The following WLS variants were observed in gnomAD, a reference collection of about 807,000 sequenced individuals.
WLS encodes Wnt ligand secretion mediator.
In WLS, 23 loss-of-function variants were observed where a neutral mutation model predicts 62.8. The ratio of observed to expected loss-of-function variants is 0.37; its 90% CI spans 0.26 to 0.52. The LOEUF (loss-of-function observed/expected upper bound fraction) is 0.52, where lower values mean the gene tolerates loss of function less well. WLS is among the 20% of genes least tolerant of loss of function. WLS has a pLI of 0.92. For missense variants in WLS, 615 were observed against 697.3 expected, an observed-to-expected ratio of 0.88 and a Z score of 1.33; for synonymous variants, 246 against 244.1, an observed-to-expected ratio of 1.01 and a Z score of -0.07.
At chr1:68,218,618 A>G (rs1649827111) in intron 1 of WLS, among the ~76,000 whole-genome samples, 1 of 152,124 alleles carries the variant, frequency 6.6e-6, no homozygotes, top group Admixed American at 6.5e-5. Flanking sequence ...CTTCCCTTTC[A>G]GTTTACATAT....
At chr1:68,213,213 G>A (rs1480782243) in intron 1 of WLS, among the ~76,000 whole-genome samples, 1 of 152,104 alleles carries the variant, frequency 6.6e-6, no homozygotes, top group Non-Finnish European at 1.5e-5. Flanking sequence ...CACTTTGGGA[G>A]GCCGAGGCAG....
At chr1:68,218,821 A>C (rs1649836098) in intron 1 of WLS, among the ~76,000 whole-genome samples, 2 of 152,256 alleles carry the variant, frequency 1.3e-5, no homozygotes, top group Admixed American at 1.3e-4. Context: ...AGTGGAATGC[A>C]GAGGTAGTTA....
chr1:68,153,343 A>G (rs560765484), intron 5 of WLS, among the ~76,000 whole-genome samples, 174 bp downstream of exon 5: 1 of 152,332 alleles, frequency 6.6e-6, no homozygotes, highest in Non-Finnish European at 1.5e-5. Context: ...GATTTACTTA[A>G]TAACAACTTG....
rs965140604 is a variant in WLS at position 68,231,864 on chromosome 1, G to A, written c.106+330C>T. 15 of 310,782 alleles carry A rather than the reference G, an allele frequency of 4.8e-5. 1 individual carries two copies. The highest frequency in any genetic ancestry group is 1.2e-4 in the South Asian group (5 of 40,234). The allele number at this position is 310,782 out of a possible 1,614,324, so 19.3% of individuals were successfully genotyped here. On this transcript the variant is annotated intron_variant, in intron 1 of 11. Coordinates refer to ENST00000262348, the MANE Select transcript of WLS (RefSeq NM_024911.7). ...GGGGAACGCGGGAAAAAGCGGGGGG[G>A]GGGGGGGGCGAGCAATCAACTTTGT...
At chr1:68,206,363 A>T (rs537055359) in intron 1 of WLS, among the ~76,000 whole-genome samples, 75 of 152,266 alleles carry the variant, frequency 4.9e-4, no homozygotes, top group African/African-American at 1.8e-3. Flanking sequence ...TCAGGAAGGA[A>T]ATCTGAGATC....
intron 5 of WLS, 135 bp downstream of exon 5, chr1:68,153,382 T>C (rs1646853036): frequency 8.6e-7 from 1 of 1,166,706 alleles, no homozygotes; most frequent in Admixed American, 2.5e-5. Flanking sequence ...GAAAAAGGAG[T>C]CCAGGATGAC....
intron 11 of WLS, chr1:68,098,908 C>T: frequency 5.3e-6 from 6 of 1,127,774 alleles, no homozygotes; most frequent in Non-Finnish European, 6.0e-6. Flanking sequence ...CTGTGTCCTT[C>T]ATTGTGGGAC....
At chr1:68,172,433 G>T (rs1291431288) in intron 2 of WLS, among the ~76,000 whole-genome samples, 2 of 151,754 alleles carry the variant, frequency 1.3e-5, no homozygotes, top group Admixed American at 1.3e-4. Flanking sequence ...GTTTATATAT[G>T]TCTATAAAGA....
chr1:68,105,315 T>A (rs1646128775), intron 11 of WLS, among the ~76,000 whole-genome samples: 1 of 152,212 alleles, frequency 6.6e-6, no homozygotes. Context: ...CCCTTTTGCA[T>A]TGTTTAGTAC....
intron 1 of WLS, among the ~76,000 whole-genome samples, chr1:68,213,639 T>G (rs1452722188): frequency 6.6e-6 from 1 of 152,056 alleles, no homozygotes; most frequent in Non-Finnish European, 1.5e-5. Flanking sequence ...CAAGTTGTAT[T>G]TCAGATGGCT....
At chr1:68,172,411 A>G (rs968808260) in intron 2 of WLS, among the ~76,000 whole-genome samples, 1 of 152,196 alleles carries the variant, frequency 6.6e-6, no homozygotes, top group African/African-American at 2.4e-5. Context: ...GTATATAAAC[A>G]TAAAAATGTA....
In WLS at chr1:68,103,752, C is replaced by T. The variant is rs113837353; in HGVS notation, c.1511-4999G>A. ...TTTGGAGGCGTGCCCAGCATCATCC[C>T]CGCCAAGCCTTTCCTTAATCCACAG... On this transcript the variant is annotated intron_variant, in intron 11 of 11. Coordinates refer to the WLS transcript ENST00000354777. 4.4e-3 allele frequency among the ~76,000 whole-genome samples: 675 copies of T among 152,270 alleles called. 6 individuals carry two copies. Among genetic ancestry groups the T allele is most frequent in the African/African-American group, 0.015 (628 of 41,566 alleles).
At chr1:68,117,261 T>C (rs1390358542) in intron 11 of WLS, among the ~76,000 whole-genome samples, 1 of 152,208 alleles carries the variant, frequency 6.6e-6, no homozygotes, top group African/African-American at 2.4e-5. Context: ...TACAGTATTC[T>C]TCCCAACCAA....
At chr1:68,104,363 C>T (rs1163016877) in intron 11 of WLS, among the ~76,000 whole-genome samples, 2 of 152,126 alleles carry the variant, frequency 1.3e-5, no homozygotes, top group African/African-American at 2.4e-5. Context: ...TCATTGTGCT[C>T]TCTTTTGGAA....
At chr1:68,181,029 G>A (rs1647538782) in intron 2 of WLS, among the ~76,000 whole-genome samples, 1 of 152,186 alleles carries the variant, frequency 6.6e-6, no homozygotes, top group African/African-American at 2.4e-5. Context: ...TTCCAATGTA[G>A]AGTCCCTAGC....
At chr1:68,230,582 TGCGCGC>T (rs147996071) in intron 1 of WLS, among the ~76,000 whole-genome samples, 3 of 142,514 alleles carry the variant, frequency 2.1e-5, no homozygotes, top group South Asian at 4.7e-4. Flanking sequence ...TGTGTGTGTG[TGCGCGC>T]GTGTGTGTGT....
intron 1 of WLS, among the ~76,000 whole-genome samples, chr1:68,224,568 T>C (rs974720630): frequency 2.0e-5 from 3 of 152,154 alleles, no homozygotes; most frequent in Admixed American, 1.3e-4. Flanking sequence ...ATAATTTCCT[T>C]TGGGGAGTGT....
intron 5 of WLS, among the ~76,000 whole-genome samples, chr1:68,151,983 G>A (rs1646832839): frequency 2.6e-5 from 4 of 152,178 alleles, no homozygotes; most frequent in Admixed American, 2.6e-4. Context: ...GCGATGGTTG[G>A]TTAGTTAGAT....
chr1:68,230,434 G>A (rs1464000630), intron 1 of WLS, among the ~76,000 whole-genome samples: 6 of 152,086 alleles, frequency 3.9e-5, no homozygotes. Flanking sequence ...TGTAACCGCT[G>A]CATAATCACT....
Sources: allele counts gnomAD v4.1 joint callset (sites outside exome capture counted in the v4.1 genomes callset), GRCh38; gene constraint gnomAD v4.1.1; transcripts MANE v1.5; gene names NCBI Gene and HGNC (gene_info 2026-07-23, HGNC 2026-07-21).